The following OR2J1 variants were observed in gnomAD, a reference collection of about 807,000 sequenced individuals.
The protein encoded by OR2J1 is olfactory receptor 2J1.
OR2J1 carries 10 observed loss-of-function variants against 10.2 expected under a neutral mutation model. The observed-to-expected ratio is 0.98, with a 90% confidence interval of 0.60 to 1.66. The LOEUF (loss-of-function observed/expected upper bound fraction) is 1.66, where lower values mean the gene tolerates loss of function less well. OR2J1 is among the 40% of genes most tolerant of loss of function. The pLI is 0.00. For missense variants in OR2J1, 317 were observed against 379.4 expected (o/e 0.84, Z 1.37); for synonymous variants, 143 against 138.8 (o/e 1.03, Z -0.21).
At position 29,101,122 on chromosome 6, in the gene OR2J1, G is replaced by A. The variant is rs745704286; in HGVS notation, c.180G>A (p.Met60Ile). ...TGGACTCCCATCTCCACACTCCCAT[G>A]TACTTCTTCCTTTCAAATCTCTCAT... The part of the protein sequence containing the change: ...SYLDSHLHTP[M>I]YFFLSNLSFL... The change falls in exon 2 of 2, where the codon ATG becomes ATA. Residue 60 changes from methionine (M) to isoleucine (I), a missense_variant. Transcript: ENST00000641659. The A allele has an allele frequency of 3.2e-6, 5 of 1,570,954 alleles. No homozygotes were observed. Among genetic ancestry groups the A allele is most frequent in the African/African-American group, 1.3e-5 (1 of 74,120 alleles).
intron 1 of OR2J1, chr6:29,100,496 C>T (rs1160267702): frequency 6.5e-6 from 1 of 153,038 alleles, no homozygotes; most frequent in Non-Finnish European, 1.5e-5. Context: ...AAAGTGACTA[C>T]CTAATTGCTC....
In OR2J1 at chr6:29,101,690, T is replaced by C. The variant is rs1247127655; in HGVS notation, c.748T>C (p.Ser250Pro). The change falls in exon 2 of 2, where the codon TCT becomes CCT. Residue 250 changes from serine (S) to proline (P), a missense_variant. Coordinates refer to ENST00000641659, the MANE Select transcript of OR2J1 (RefSeq NM_001348294.2). ...ATGTGGAGCCCATCTTATGGTTGTA[T>C]CTCTCTTTTTCATTCCAGTCATGTG... ...RTCGAHLMVV[S>P]LFFIPVMCMY... The C allele has an allele frequency of 6.2e-7, 1 of 1,613,628 alleles. No homozygotes were observed. Among genetic ancestry groups the C allele is most frequent in the Admixed American group, 1.7e-5 (1 of 59,988 alleles).
rs1477898306 is a variant in OR2J1 at position 29,101,786 on chromosome 6, G to A, written c.844G>A (p.Val282Ile). ...GKFIALFYTV[V>I]TPSLNPLIYT... is the part of the protein sequence containing the mutation. ...GTTCATTGCCCTCTTTTACACTGTT[G>A]TCACACCTAGTCTTAACCCTCTAAT... is the stretch of plus-strand genomic sequence containing the variant. The change falls in exon 2 of 2, where the codon GTC becomes ATC. Residue 282 changes from valine to isoleucine, a missense_variant. Val to Ile is a conservative substitution (Grantham distance 29, BLOSUM62 3). Coordinates refer to ENST00000641659, the MANE Select transcript of OR2J1 (RefSeq NM_001348294.2). 1 of 1,606,464 alleles carries A rather than the reference G, an allele frequency of 6.2e-7. No homozygotes were observed. The highest frequency in any genetic ancestry group is 1.3e-5 in the African/African-American group (1 of 74,642).
rs767324242 is a variant in OR2J1 at position 29,100,782 on chromosome 6, C to T, written c.-161C>T. On this transcript the variant is annotated 5_prime_UTR_variant, in exon 2 of 2. Transcript: ENST00000641659. ...CAGCTGGACAAATATCTCAATGAAG[C>T]ATACAAAGGAAACTGTATAAAAATT... 4.1e-4 allele frequency: 237 copies of T among 573,788 alleles called. No individual in the cohort carries two copies. Among genetic ancestry groups the T allele is most frequent in the Non-Finnish European group, 6.2e-4 (202 of 323,608 alleles). The allele number at this position is 573,788 out of a possible 1,614,324, so 35.5% of individuals were successfully genotyped here. A position where few individuals can be genotyped will look rare whatever the true frequency, so the allele number is the denominator to read the frequency against.
chr6:29,101,031 T>C lies in OR2J1; in HGVS notation c.89T>C (p.Val30Ala), dbSNP rs1238957716. 1 of 1,507,190 alleles carries C rather than the reference T, an allele frequency of 6.6e-7. No individual in the cohort carries two copies. The highest frequency in any genetic ancestry group is 1.1e-5 in the South Asian group (1 of 88,784). The allele number at this position is 1,507,190 out of a possible 1,614,324, so 93.4% of individuals were successfully genotyped here. ...CCTCATCTGGAAGTAGTTCTCTTTG[T>C]GGTTATCTTGATCTTCTACTTGATA... ...NWPHLEVVLF[V>A]VILIFYLITL... Residue 30 changes from valine to alanine, a missense_variant, in exon 2 of 2, where the codon GTG becomes GCG. Physicochemically the swap from Val to Ala is moderately conservative, Grantham distance 64 (BLOSUM62 0). Transcript: ENST00000641659.
rs1761669499 is a variant in OR2J1 at position 29,102,071 on chromosome 6, A to G, written c.*190A>G. 1.4e-5 allele frequency: 7 copies of G among 483,754 alleles called. No individual in the cohort carries two copies. Among genetic ancestry groups the G allele is most frequent in the Non-Finnish European group, 1.8e-5 (5 of 277,280 alleles). The allele number at this position is 483,754 out of a possible 1,614,324, so 30.0% of individuals were successfully genotyped here. ...TGTTGAGATAAAGGTTTTGATTAGT[A>G]CCATTTTGTTCTTTTACAATTCTAT... On this transcript the variant is annotated 3_prime_UTR_variant, in exon 2 of 2. Coordinates refer to ENST00000641659, the MANE Select transcript of OR2J1 (RefSeq NM_001348294.2).
chr6:29,101,244 A>T lies in OR2J1; in HGVS notation c.302A>T (p.Gln101Leu). Reference protein sequence around the residue: ...KTISYAGCTVQLYFVLALGTA... With the variant: ...KTISYAGCTVLLYFVLALGTA... ...ATCTCTTATGCTGGTTGTACGGTTC[A>T]ACTTTACTTTGTTCTCGCACTGGGA... is the stretch of plus-strand genomic sequence containing the variant. The change falls in exon 2 of 2, where the codon CAA becomes CTA. Residue 101 changes from glutamine (Q) to leucine (L), a missense_variant. By Grantham distance (113) the Gln-to-Leu change is moderately radical. Coordinates refer to ENST00000641659, the MANE Select transcript of OR2J1 (RefSeq NM_001348294.2). 1 of 1,600,738 alleles carries T rather than the reference A, an allele frequency of 6.2e-7. No individual in the cohort carries two copies. The highest frequency in any genetic ancestry group is 1.1e-5 in the South Asian group (1 of 90,784).
At position 29,101,240 on chromosome 6, in the gene OR2J1, G is replaced by A. The variant is rs898164351; in HGVS notation, c.298G>A (p.Val100Ile). 1.9e-5 allele frequency: 31 copies of A among 1,599,852 alleles called. No homozygotes were observed. The highest frequency in any genetic ancestry group is 3.3e-5 in the Admixed American group (2 of 59,968). Residue 100 changes from valine (V) to isoleucine (I), a missense_variant, in exon 2 of 2, where the codon GTT becomes ATT. Physicochemically the swap from Val to Ile is conservative, Grantham distance 29 (BLOSUM62 3). Transcript: ENST00000641659. ...GACCATCTCTTATGCTGGTTGTACG[G>A]TTCAACTTTACTTTGTTCTCGCACT... ...EKTISYAGCT[V>I]QLYFVLALGT... is the part of the protein sequence containing the mutation.
rs1406817978 is a variant in OR2J1 at position 29,099,857 on chromosome 6, A to C, written c.-185A>C. The C allele has an allele frequency of 6.6e-6, 1 of 152,192 alleles. No individual in the cohort carries two copies. The highest frequency in any genetic ancestry group is 6.5e-5 in the Admixed American group (1 of 15,268). The allele number at this position is 152,192 out of a possible 1,614,324, so 9.4% of individuals were successfully genotyped here. On this transcript the variant is annotated splice_region_variant and 5_prime_UTR_variant, in exon 1 of 2. Transcript: ENST00000641659. ...TGTTAAAAGTTTTTCAAAACACTGAAGGTGAGTTGGGTGTAAATAAATTTG... is the reference window on the plus strand; with the variant it reads ...TGTTAAAAGTTTTTCAAAACACTGACGGTGAGTTGGGTGTAAATAAATTTG...
rs1484594772 is a variant in OR2J1, at chr6:29,102,167, G to C, written c.*286G>C. 1 of 309,992 alleles carries C rather than the reference G, an allele frequency of 3.2e-6. No homozygotes were observed. Among genetic ancestry groups the C allele is most frequent in the Non-Finnish European group, 5.9e-6 (1 of 169,642 alleles). The allele number at this position is 309,992 out of a possible 1,614,324, so 19.2% of individuals were successfully genotyped here. ...ATGTGTGTGTGAATAATTATGAGGA[G>C]ATTATTTAAAAAATATTGGCAATAT... is the stretch of plus-strand genomic sequence containing the variant. On this transcript the variant is annotated 3_prime_UTR_variant, in exon 2 of 2. Coordinates refer to ENST00000641659, the MANE Select transcript of OR2J1 (RefSeq NM_001348294.2).
rs1581893299 is a variant in OR2J1 at position 29,099,678 on chromosome 6, A to G, written c.-364A>G. ...AAAGGTAATGATCATTTCATTATCA[A>G]CAATATGGAAAAGTGTACAGATATC... On this transcript the variant is annotated 5_prime_UTR_variant, in exon 1 of 2. Coordinates refer to ENST00000641659, the MANE Select transcript of OR2J1 (RefSeq NM_001348294.2). 1 of 152,342 alleles carries G rather than the reference A, an allele frequency of 6.6e-6. No individual in the cohort carries two copies. The highest frequency in any genetic ancestry group is 1.9e-4 in the East Asian group (1 of 5,188). 9.4% of individuals were successfully genotyped at this position (152,342 alleles called of 1,614,324 possible). A position where few individuals can be genotyped will look rare whatever the true frequency, so the allele number is the denominator to read the frequency against.
chr6:29,099,943 C>T (rs892436669), intron 1 of OR2J1, 85 bp downstream of exon 1: 4 of 152,074 alleles, frequency 2.6e-5, no homozygotes, highest in African/African-American at 9.7e-5. Flanking sequence ...AGGAGGGGAG[C>T]AGAAGGGGGA....
At position 29,101,717 on chromosome 6, in the gene OR2J1, A is replaced by T; in HGVS notation, c.775A>T (p.Met259Leu). Residue 259 changes from methionine (M) to leucine (L), a missense_variant, in exon 2 of 2, where the codon ATG becomes TTG. Physicochemically the swap from Met to Leu is conservative, Grantham distance 15. Coordinates refer to ENST00000641659, the MANE Select transcript of OR2J1 (RefSeq NM_001348294.2). The part of the protein sequence containing the change: ...VSLFFIPVMC[M>L]YLQPPSENSQ... Reference sequence around the variant, plus strand: ...TCTCTTTTTCATTCCAGTCATGTGCATGTATCTCCAGCCACCATCAGAAAA... The same window carrying T: ...TCTCTTTTTCATTCCAGTCATGTGCTTGTATCTCCAGCCACCATCAGAAAA... 6.2e-7 allele frequency: 1 copy of T among 1,613,726 alleles called. No homozygotes were observed. Among genetic ancestry groups the T allele is most frequent in the Non-Finnish European group, 8.5e-7 (1 of 1,179,636 alleles).
At position 29,100,917 on chromosome 6, in the gene OR2J1, T is replaced by A. The variant is rs1761554710; in HGVS notation, c.-26T>A. Reference sequence around the variant, plus strand: ...GACAGACTTTGAGTTTATGCGATTCTTTCTTTAGGTACAGGAAAAATAAGA... The same window carrying A: ...GACAGACTTTGAGTTTATGCGATTCATTCTTTAGGTACAGGAAAAATAAGA... On this transcript the variant is annotated 5_prime_UTR_variant, in exon 2 of 2. Transcript: ENST00000641659. The A allele has an allele frequency of 2.3e-6, 2 of 871,450 alleles. No individual in the cohort carries two copies. The highest frequency in any genetic ancestry group is 2.8e-5 in the South Asian group (2 of 70,980). 54.0% of individuals were successfully genotyped at this position (871,450 alleles called of 1,614,324 possible).
rs538424856 is a variant in OR2J1 at position 29,101,753 on chromosome 6, C to G, written c.811C>G (p.Gln271Glu). 35 of 1,613,224 alleles carry G rather than the reference C, an allele frequency of 2.2e-5. No individual in the cohort carries two copies. The African/African-American group carries it at 4.4e-4, about 20-fold the overall frequency. Residue 271 changes from glutamine (Q) to glutamate (E), a missense_variant, in exon 2 of 2, where the codon CAA (glutamine) becomes GAA (glutamate). Physicochemically the swap from Gln to Glu is conservative, Grantham distance 29. Transcript: ENST00000641659. The part of the protein sequence containing the change: ...LQPPSENSQD[Q>E]GKFIALFYTV... ...GCCACCATCAGAAAATTCTCAAGAT[C>G]AAGGCAAGTTCATTGCCCTCTTTTA... is the stretch of plus-strand genomic sequence containing the variant.
rs574290338 is a variant in OR2J1 at position 29,102,067 on chromosome 6, T to C, written c.*186T>C. 1.2e-4 allele frequency: 57 copies of C among 487,000 alleles called. No individual in the cohort carries two copies. The highest frequency in any genetic ancestry group is 1.7e-4 in the Non-Finnish European group (48 of 279,002). The allele number at this position is 487,000 out of a possible 1,614,324, so 30.2% of individuals were successfully genotyped here. A position where few individuals can be genotyped will look rare whatever the true frequency, so the allele number is the denominator to read the frequency against. On this transcript the variant is annotated 3_prime_UTR_variant, in exon 2 of 2. Coordinates refer to ENST00000641659, the MANE Select transcript of OR2J1 (RefSeq NM_001348294.2). The stretch of plus-strand genomic sequence containing the variant: ...ATTATGTTGAGATAAAGGTTTTGAT[T>C]AGTACCATTTTGTTCTTTTACAATT...
At position 29,101,160 on chromosome 6, in the gene OR2J1, G is replaced by A. The variant is rs1252499771; in HGVS notation, c.218G>A (p.Cys73Tyr). The stretch of plus-strand genomic sequence containing the variant: ...TCAAATCTCTCATTTCTGGATCTCT[G>A]CTACACCACCAGCTCTATCCCTCAG... ...FLSNLSFLDL[C>Y]YTTSSIPQLL... Residue 73 changes from cysteine (C) to tyrosine (Y), a missense_variant, in exon 2 of 2, where the codon TGC (cysteine) becomes TAC (tyrosine). By Grantham distance (194) the Cys-to-Tyr change is radical (BLOSUM62 -2). Coordinates refer to ENST00000641659, the MANE Select transcript of OR2J1 (RefSeq NM_001348294.2). 1 of 1,589,262 alleles carries A rather than the reference G, an allele frequency of 6.3e-7. No individual in the cohort carries two copies.
rs1761550785 is a variant in OR2J1 at position 29,100,852 on chromosome 6, TTC to T, written c.-88_-87del. 1 of 660,798 alleles carries T rather than the reference TTC, an allele frequency of 1.5e-6. No individual in the cohort carries two copies. Among genetic ancestry groups the T allele is most frequent in the South Asian group, 1.9e-5 (1 of 52,514 alleles). 40.9% of individuals were successfully genotyped at this position (660,798 alleles called of 1,614,324 possible). Reference sequence around the variant, plus strand: ...CACTATCTGGAATTGGGATACTTTTTTCTCCAATCTGTTTGCAAGTGAGCAGT... The same window carrying T: ...CACTATCTGGAATTGGGATACTTTTTTCCAATCTGTTTGCAAGTGAGCAGT... On this transcript the variant is annotated 5_prime_UTR_variant, in exon 2 of 2. An upstream open reading frame in the 5' UTR gains an earlier in-frame stop. Coordinates refer to ENST00000641659, the MANE Select transcript of OR2J1 (RefSeq NM_001348294.2).
Position 29,101,360 on chromosome 6 carries a change from C to A in OR2J1, c.418C>A (p.Arg140Ser). 2 of 1,597,838 alleles carry A rather than the reference C, an allele frequency of 1.3e-6. No homozygotes were observed. The highest frequency in any genetic ancestry group is 2.2e-5 in the South Asian group (2 of 90,744). Reference protein sequence around the residue: ...PLHYTVLMHPRFCRLLAAASW... With the variant: ...PLHYTVLMHPSFCRLLAAASW... ...GCATTACACTGTCCTCATGCACCCT[C>A]GTTTCTGCCGCTTGTTGGCTGCGGC... The change falls in exon 2 of 2, where the codon CGT (arginine) becomes AGT (serine). Residue 140 changes from arginine (R) to serine (S), a missense_variant. Transcript: ENST00000641659.
Sources: allele counts gnomAD v4.1 joint callset, GRCh38; gene constraint gnomAD v4.1.1; transcripts MANE v1.5; gene names NCBI Gene and HGNC (gene_info 2026-07-23, HGNC 2026-07-21).